NLGN4X: variants seen among roughly 807,000 people sequenced by gnomAD.
NLGN4X encodes neuroligin-4, X-linked.
Under a neutral mutation model 40.3 loss-of-function variants are expected in NLGN4X, and 3 were observed. The observed-to-expected ratio is 0.07, with a 90% CI of 0.03 to 0.19. The LOEUF is 0.19. Among genes scored for constraint, NLGN4X ranks in the 10% least tolerant of loss-of-function variants. The pLI, the probability that NLGN4X is intolerant of heterozygous loss-of-function variation, is 1.00. For missense variants in NLGN4X, 382 were observed against 708.3 expected, an observed-to-expected ratio of 0.54 and a Z score of 5.23; for synonymous variants, 270 against 306.8, an observed-to-expected ratio of 0.88 and a Z score of 1.25.
intron 2 of NLGN4X, among the ~76,000 whole-genome samples, chrX:6,046,333 A>C: frequency 9.0e-6 from 1 of 111,686 alleles, no homozygotes; most frequent in South Asian, 3.7e-4. Context: ...AAGTTGAATA[A>C]AACAAATAAA....
intron 3 of NLGN4X, among the ~76,000 whole-genome samples, chrX:5,970,263 A>C (rs2034986156): frequency 8.9e-6 from 1 of 111,748 alleles, no homozygotes; most frequent in Non-Finnish European, 1.9e-5. Flanking sequence ...GGTGCAGCAC[A>C]CCAACATGGC....
At chrX:5,953,055 C>G (rs1340929769) in intron 3 of NLGN4X, among the ~76,000 whole-genome samples, 1 of 110,436 alleles carries the variant, frequency 9.1e-6, no homozygotes. Flanking sequence ...TCTTTGAAAG[C>G]CCAGATATTG....
In NLGN4X at chrX:6,022,470, C is replaced by G. The variant is rs544691097; in HGVS notation, c.625+6810G>C. Among the ~76,000 whole-genome samples the G allele has an allele frequency of 2.7e-5, 3 of 112,084 alleles. No homozygotes were observed. The South Asian group carries it at 1.1e-3, about 42-fold the overall frequency. Reference sequence around the variant, plus strand: ...AGCAAATGTACCAAAAATAGAGCAACTCCTCTAACTTCCAAAGGGGAGAAG... The same window carrying G: ...AGCAAATGTACCAAAAATAGAGCAAGTCCTCTAACTTCCAAAGGGGAGAAG... On this transcript the variant is annotated intron_variant, in intron 3 of 5. Coordinates refer to ENST00000381095, the MANE Select transcript of NLGN4X (RefSeq NM_181332.3).
At chrX:6,151,902 A>T (rs2040174082) in intron 1 of NLGN4X, 131 bp from the exon 2 acceptor site, 1 of 178,981 alleles carries the variant, frequency 5.6e-6, no homozygotes. Flanking sequence ...AAATGTGTAT[A>T]GTGCCATCTC....
At chrX:5,931,375 A>G (rs1002957137) in intron 3 of NLGN4X, among the ~76,000 whole-genome samples, 1 of 112,427 alleles carries the variant, frequency 8.9e-6, no homozygotes, top group African/African-American at 3.2e-5. Flanking sequence ...TTTTAGAAAT[A>G]GATGAAAGCC....
intron 1 of NLGN4X, among the ~76,000 whole-genome samples, chrX:6,154,357 T>C (rs2040220915): frequency 8.9e-6 from 1 of 112,169 alleles, no homozygotes; most frequent in African/African-American, 3.2e-5. Context: ...TGTGAAAATA[T>C]AGTCATATTC....
At chrX:6,216,617 G>A (rs762771169) in intron 1 of NLGN4X, among the ~76,000 whole-genome samples, 5 of 112,290 alleles carry the variant, frequency 4.5e-5, no homozygotes, top group Admixed American at 3.8e-4. Context: ...AGGGGTGAGG[G>A]AGTATGGTTT....
intron 5 of NLGN4X, among the ~76,000 whole-genome samples, chrX:5,899,082 T>TA (rs2031692832): frequency 8.9e-6 from 1 of 112,454 alleles, no homozygotes; most frequent in Non-Finnish European, 1.9e-5. Flanking sequence ...TGTGATCACT[T>TA]AAACTATTTG....
chrX:5,897,459 C>T (rs991371542), intron 5 of NLGN4X, among the ~76,000 whole-genome samples: 1 of 111,353 alleles, frequency 9.0e-6, no homozygotes, highest in East Asian at 2.8e-4. Flanking sequence ...CTTGACACTG[C>T]AGCTGATTTC....
At chrX:5,971,705 G>A (rs1488995965) in intron 3 of NLGN4X, among the ~76,000 whole-genome samples, 4 of 111,403 alleles carry the variant, frequency 3.6e-5, no homozygotes, top group African/African-American at 1.3e-4. Context: ...TCCTCATTTG[G>A]ACATGCACTG....
At chrX:6,008,152 T>C (rs1190159053) in intron 3 of NLGN4X, among the ~76,000 whole-genome samples, 2 of 112,109 alleles carry the variant, frequency 1.8e-5, no homozygotes, top group Non-Finnish European at 3.8e-5. Flanking sequence ...TTCTGTTCAA[T>C]GTCATTTAGT....
At chrX:6,137,379 T>C (rs1045396597) in intron 2 of NLGN4X, among the ~76,000 whole-genome samples, 1 of 111,936 alleles carries the variant, frequency 8.9e-6, no homozygotes, top group Non-Finnish European at 1.9e-5. Context: ...GAAATCCTAT[T>C]TTCAAATAAG....
At chrX:6,020,576 A>G (rs2036504016) in intron 3 of NLGN4X, among the ~76,000 whole-genome samples, 1 of 112,128 alleles carries the variant, frequency 8.9e-6, no homozygotes. Context: ...GAATATTTGA[A>G]CATCTCTAAG....
At chrX:5,900,461 A>C (rs1371482715) in intron 5 of NLGN4X, among the ~76,000 whole-genome samples, 1 of 106,716 alleles carries the variant, frequency 9.4e-6, no homozygotes, top group Non-Finnish European at 1.9e-5. Flanking sequence ...ACAGATTTGG[A>C]GGGAACTTGG....
intron 2 of NLGN4X, among the ~76,000 whole-genome samples, chrX:6,033,546 A>C (rs1320174157): frequency 8.9e-6 from 1 of 112,221 alleles, no homozygotes; most frequent in Non-Finnish European, 1.9e-5. Flanking sequence ...ATAGCTATTA[A>C]ATATCGTTTG....
chrX:6,223,077 A>G (rs1013674021), intron 1 of NLGN4X, among the ~76,000 whole-genome samples: 1 of 110,777 alleles, frequency 9.0e-6, no homozygotes, highest in Non-Finnish European at 1.9e-5. Flanking sequence ...TAATAATAAG[A>G]TATATAGTGT....
intron 2 of NLGN4X, among the ~76,000 whole-genome samples, chrX:6,042,682 G>GTT (rs2037189656): frequency 1.3e-4 from 3 of 22,953 alleles, no homozygotes; most frequent in East Asian, 1.8e-3. Flanking sequence ...ACCCATAGAG[G>GTT]TTTTATATAT....
intron 1 of NLGN4X, among the ~76,000 whole-genome samples, chrX:6,212,562 G>A (rs768444245): frequency 9.0e-6 from 1 of 111,689 alleles, no homozygotes; most frequent in African/African-American, 3.3e-5. Flanking sequence ...AAAGACACTA[G>A]GATGAGTGTT....
chrX:5,996,444 T>A (rs188450419), intron 3 of NLGN4X, among the ~76,000 whole-genome samples: 8 of 111,741 alleles, frequency 7.2e-5, no homozygotes, highest in Middle Eastern at 4.6e-3. Flanking sequence ...GAGCCTCCAC[T>A]TACACAGAGC....
Sources: gnomAD v4.1 joint callset for allele counts (sites outside exome capture counted in the v4.1 genomes callset) on GRCh38, gnomAD v4.1.1 for gene constraint, MANE v1.5 for transcripts, NCBI Gene and HGNC (gene_info 2026-07-23, HGNC 2026-07-21) for gene names.